Variants in TEKTIP1 observed in about 807,000 individuals in gnomAD.
TEKTIP1 encodes the protein tektin bundle-interacting protein 1.
chr19:3,543,784 C>A, the TEKTIP1 span: 1 of 1,492,544 alleles, frequency 6.7e-7, no homozygotes, highest in South Asian at 1.3e-5. Flanking sequence ...TGCTGGCCAA[C>A]GGCGAGGAGG....
the TEKTIP1 span, chr19:3,543,480 G>GGC: frequency 3.0e-6 from 4 of 1,337,356 alleles, no homozygotes; most frequent in Non-Finnish European, 4.0e-6. Flanking sequence ...TCGGGTGAGT[G>GGC]CCCCCCCCCC....
At chr19:3,540,240 T>C in the TEKTIP1 span, among the ~76,000 whole-genome samples, 23 of 151,606 alleles carry the variant, frequency 1.5e-4, no homozygotes, top group African/African-American at 5.6e-4. Context: ...ACTACAGGTT[T>C]GTGCCACATG....
the TEKTIP1 span, among the ~76,000 whole-genome samples, chr19:3,541,168 C>CAA: frequency 8.7e-3 from 760 of 87,086 alleles, 14 homozygotes; most frequent in African/African-American, 0.024. Flanking sequence ...GACTCTGTCT[C>CAA]AAAAAAAAAA....
the TEKTIP1 span, chr19:3,542,203 T>G: frequency 1.0e-6 from 1 of 985,296 alleles, no homozygotes; most frequent in Non-Finnish European, 1.2e-6. Flanking sequence ...AAATTGCCTT[T>G]CTAGTGGAAA....
chr19:3,543,539 C>T, the TEKTIP1 span: 3 of 1,519,178 alleles, frequency 2.0e-6, no homozygotes, highest in Non-Finnish European at 2.6e-6. Flanking sequence ...GACCGCCAGC[C>T]CCCGCCCCAC....
chr19:3,543,445 C>T, the TEKTIP1 span: 1 of 1,544,426 alleles, frequency 6.5e-7, no homozygotes, highest in Non-Finnish European at 8.7e-7. Flanking sequence ...ACAGCTGCTA[C>T]CAACACCGTG....
the TEKTIP1 span, chr19:3,543,044 C>T: frequency 6.2e-7 from 1 of 1,604,950 alleles, no homozygotes; most frequent in South Asian, 1.1e-5. Flanking sequence ...GAGGGGGAGT[C>T]AGCCTCTCTC....
the TEKTIP1 span, chr19:3,543,409 C>T: frequency 6.5e-7 from 1 of 1,548,218 alleles, no homozygotes; most frequent in Middle Eastern, 1.9e-4. Flanking sequence ...CGGCCAGCCC[C>T]TTCCGCGAGG....
At chr19:3,539,592 T>C in the TEKTIP1 span, 3,675 of 320,634 alleles carry the variant, frequency 0.011, 114 homozygotes, top group African/African-American at 0.061. Context: ...GCTGAGAGAG[T>C]CTGTCCCACA....
At chr19:3,541,522 CATG>C in the TEKTIP1 span, 1 of 250,798 alleles carries the variant, frequency 4.0e-6, no homozygotes, top group Non-Finnish European at 6.1e-6. Flanking sequence ...AGTGTTTCAC[CATG>C]TTGGCCAGGC....
chr19:3,542,504 C>G, the TEKTIP1 span: 1 of 966,414 alleles, frequency 1.0e-6, no homozygotes, highest in Non-Finnish European at 1.2e-6. Flanking sequence ...GACAGAGTCT[C>G]ACTCTGTTGC....
At chr19:3,543,084 C>T in the TEKTIP1 span, 2 of 1,571,886 alleles carry the variant, frequency 1.3e-6, no homozygotes, top group South Asian at 1.2e-5. Flanking sequence ...GTGAGGGGTA[C>T]AGGGCTGAAG....
chr19:3,543,385 C>A, the TEKTIP1 span: 3 of 1,549,220 alleles, frequency 1.9e-6, no homozygotes, highest in Non-Finnish European at 2.6e-6. Flanking sequence ...CCTGGTACAA[C>A]CTGCCACGGG....
At chr19:3,543,452 C>G in the TEKTIP1 span, 2 of 1,541,460 alleles carry the variant, frequency 1.3e-6, no homozygotes, top group East Asian at 2.5e-5. Flanking sequence ...CTACCAACAC[C>G]GTGAGTGCAG....
the TEKTIP1 span, chr19:3,543,673 G>C: frequency 6.5e-7 from 1 of 1,537,378 alleles, no homozygotes; most frequent in Non-Finnish European, 8.8e-7. Context: ...TCCGGGGCAA[G>C]GAATACGGTG....
chr19:3,543,718 G>T, the TEKTIP1 span: 1 of 1,500,432 alleles, frequency 6.7e-7, no homozygotes, highest in African/African-American at 1.4e-5. Context: ...GGGAGGCCAG[G>T]GGGACAAGGC....
At chr19:3,542,998 T>A in the TEKTIP1 span, 1 of 1,594,224 alleles carries the variant, frequency 6.3e-7, no homozygotes. Flanking sequence ...AAAGGTTTAG[T>A]GCTGACTTGG....
chr19:3,543,702 G>A, the TEKTIP1 span: 3 of 1,508,626 alleles, frequency 2.0e-6, no homozygotes, highest in Non-Finnish European at 2.7e-6. Flanking sequence ...TGCAGGGTGG[G>A]TCCTTGGGAG....
the TEKTIP1 span, chr19:3,539,264 AG>A: frequency 6.5e-7 from 1 of 1,542,112 alleles, no homozygotes; most frequent in Non-Finnish European, 8.8e-7. Context: ...TGTACAGGTG[AG>A]CCCCTCCCTA....
Sources: gnomAD v4.1 joint callset for allele counts (sites outside exome capture counted in the v4.1 genomes callset) on GRCh38, gnomAD v4.1.1 for gene constraint, MANE v1.5 for transcripts, NCBI Gene and HGNC (gene_info 2026-07-23, HGNC 2026-07-21) for gene names.